Variants in ANKS1A observed in about 807,000 individuals in gnomAD.
ANKS1A encodes the protein ankyrin repeat and SAM domain-containing protein 1A.
Under a neutral mutation model 120.3 loss-of-function variants are expected in ANKS1A, and 55 were observed. The ratio of observed to expected loss-of-function variants is 0.46; its 90% CI spans 0.37 to 0.57. The LOEUF is 0.57. Ranked by LOEUF, ANKS1A falls within the 20% of genes least tolerant of loss-of-function variation. The pLI is 0.00. For missense variants in ANKS1A, 1,123 were observed against 1,480.3 expected (o/e 0.76, Z 3.96); for synonymous variants, 590 against 604.7 (o/e 0.98, Z 0.36).
At chr6:35,026,553 G>T (rs1774635146) in intron 11 of ANKS1A, among the ~76,000 whole-genome samples, 1 of 152,142 alleles carries the variant, frequency 6.6e-6, no homozygotes, top group Non-Finnish European at 1.5e-5. Flanking sequence ...ATACAGCCAA[G>T]AACAGGATTA....
chr6:34,979,397 G>A lies in ANKS1A; in HGVS notation c.436-2293G>A, dbSNP rs963690359. On this transcript the variant is annotated intron_variant, in intron 3 of 23. Transcript: ENST00000360359. ...ACAGTTACCAGACCATGTCTGGCATGACTGAAACCTAAGTAAGATGCTCCC... is the reference window on the plus strand; with the variant it reads ...ACAGTTACCAGACCATGTCTGGCATAACTGAAACCTAAGTAAGATGCTCCC... Among the ~76,000 whole-genome samples, 5 of 152,166 alleles carry A rather than the reference G, an allele frequency of 3.3e-5. No homozygotes were observed. The East Asian group carries it at 9.6e-4, about 29-fold the overall frequency.
rs1379609050 is a variant in ANKS1A, at chr6:35,084,468, G to A, written c.3132+210G>A. Among the ~76,000 whole-genome samples, 1 of 151,538 alleles carries A rather than the reference G, an allele frequency of 6.6e-6. No homozygotes were observed. Among genetic ancestry groups the A allele is most frequent in the East Asian group, 2.0e-4 (1 of 5,120 alleles). On this transcript the variant is annotated intron_variant, in intron 21 of 23. Transcript: ENST00000360359. This position sits in a 1 kb window ranked among gnomAD's most constrained non-coding sequence, Gnocchi z 4.8. ...GCAGAGGGAACAGGGACTGGCCCAGGGCACTAGGGACAGGAGGTTCCAGCT... is the reference window on the plus strand; with the variant it reads ...GCAGAGGGAACAGGGACTGGCCCAGAGCACTAGGGACAGGAGGTTCCAGCT...
chr6:35,024,718 C>G (rs142839157), intron 11 of ANKS1A, among the ~76,000 whole-genome samples: 2 of 152,284 alleles, frequency 1.3e-5, no homozygotes, highest in South Asian at 2.1e-4. Context: ...GAAGTGGCCT[C>G]GCCACCTCGC....
chr6:34,970,880 A>G (rs1771151693), intron 3 of ANKS1A, among the ~76,000 whole-genome samples: 1 of 152,006 alleles, frequency 6.6e-6, no homozygotes, highest in Non-Finnish European at 1.5e-5. Flanking sequence ...GTGGTGGCAC[A>G]CACCTGTAGT....
chr6:34,948,848 A>G (rs971456274), intron 1 of ANKS1A, among the ~76,000 whole-genome samples: 1 of 152,202 alleles, frequency 6.6e-6, no homozygotes, highest in Admixed American at 6.5e-5. Flanking sequence ...AAGGGAAGAA[A>G]GGCAGGGAAG....
chr6:34,965,746 CATT>C (rs1207387516), intron 1 of ANKS1A, among the ~76,000 whole-genome samples: 5 of 151,152 alleles, frequency 3.3e-5, no homozygotes, highest in African/African-American at 1.2e-4. Context: ...AGTGCTCTGT[CATT>C]GTCTTTTTTT....
intron 11 of ANKS1A, among the ~76,000 whole-genome samples, chr6:35,031,527 A>G (rs1774910063): frequency 6.6e-6 from 1 of 152,108 alleles, no homozygotes; most frequent in Admixed American, 6.5e-5. Context: ...TCTTGACCAG[A>G]ACCCTTCCTC....
rs142562740 is a variant in ANKS1A, at chr6:34,975,731, G to A, written c.435+5565G>A. On this transcript the variant is annotated intron_variant, in intron 3 of 23. Transcript: ENST00000360359. ...GTGAGCAGTGATCACTGTCACCTGG[G>A]CAACAGAGTGAGACCCTGTCTCAAA... Among the ~76,000 whole-genome samples, 712 of 151,914 alleles carry A rather than the reference G, an allele frequency of 4.7e-3. 4 individuals are homozygous for A. Among genetic ancestry groups the A allele is most frequent in the Non-Finnish European group, 8.4e-3 (572 of 67,964 alleles).
chr6:35,061,622 G>A (rs1163454091), intron 13 of ANKS1A, among the ~76,000 whole-genome samples: 2 of 152,240 alleles, frequency 1.3e-5, no homozygotes, highest in African/African-American at 4.8e-5. Flanking sequence ...AAAAGATACT[G>A]TGGTGTGCAA....
intron 3 of ANKS1A, among the ~76,000 whole-genome samples, chr6:34,981,050 C>G (rs903218348): frequency 6.6e-6 from 1 of 152,136 alleles, no homozygotes; most frequent in Non-Finnish European, 1.5e-5. Context: ...GGTGCAGGCT[C>G]CTGGGGTAGG....
intron 16 of ANKS1A, among the ~76,000 whole-genome samples, 198 bp from the exon 17 acceptor site, chr6:35,080,796 G>A (rs888712357): frequency 6.6e-6 from 1 of 152,234 alleles, no homozygotes; most frequent in East Asian, 1.9e-4. Context: ...TGGCTTCCCC[G>A]CCCTCTCGGG....
intron 12 of ANKS1A, among the ~76,000 whole-genome samples, chr6:35,059,748 A>G (rs1443016752): frequency 6.6e-6 from 1 of 152,062 alleles, no homozygotes; most frequent in Non-Finnish European, 1.5e-5. Context: ...AGCCCCCTCT[A>G]GTGCCTGTGG....
At chr6:35,001,648 G>T (rs1362169357) in intron 10 of ANKS1A, among the ~76,000 whole-genome samples, 3 of 152,244 alleles carry the variant, frequency 2.0e-5, no homozygotes, top group Non-Finnish European at 4.4e-5. Context: ...GACCTGAAAG[G>T]ATGCAGTGAG....
intron 1 of ANKS1A, among the ~76,000 whole-genome samples, chr6:34,954,730 C>G (rs142334858): frequency 6.6e-6 from 1 of 152,314 alleles, no homozygotes; most frequent in Non-Finnish European, 1.5e-5. Flanking sequence ...CCACCTGTCA[C>G]GTAGCGTCAG....
intron 11 of ANKS1A, among the ~76,000 whole-genome samples, chr6:35,048,886 G>A (rs1355606480): frequency 6.6e-6 from 1 of 152,224 alleles, no homozygotes; most frequent in Non-Finnish European, 1.5e-5. Flanking sequence ...CCTGGGAAGG[G>A]GGAGCACTGT....
intron 10 of ANKS1A, chr6:35,005,689 A>G: frequency 4.6e-6 from 2 of 437,138 alleles, no homozygotes; most frequent in Non-Finnish European, 9.0e-6. Flanking sequence ...ATGAATTTGT[A>G]TTTTTTTAAA....
intron 10 of ANKS1A, among the ~76,000 whole-genome samples, chr6:35,009,442 G>A (rs1163124446): frequency 1.3e-5 from 2 of 152,142 alleles, no homozygotes; most frequent in African/African-American, 2.4e-5. Context: ...TTTGAGGGAT[G>A]ATATTAAATC....
intron 11 of ANKS1A, among the ~76,000 whole-genome samples, chr6:35,031,832 A>G (rs149956520): frequency 9.9e-4 from 151 of 152,286 alleles, no homozygotes; most frequent in Non-Finnish European, 1.8e-3. Context: ...AGCCTCTATA[A>G]CTGGCCTTCT....
In ANKS1A at chr6:34,954,392, C is replaced by T. The variant is rs369542221; in HGVS notation, c.198-12847C>T. Among the ~76,000 whole-genome samples the T allele has an allele frequency of 2.0e-5, 3 of 152,106 alleles. No individual in the cohort carries two copies. In the East Asian group the frequency reaches 5.8e-4, roughly 29 times the overall value. On this transcript the variant is annotated intron_variant, in intron 1 of 23. Transcript: ENST00000360359. ...GTGTGGTATTGTGTGTGTGCATTCA[C>T]ATTGCGGACAAGAAACAGAAGGGGT...
Sources: allele counts gnomAD v4.1 joint callset (sites outside exome capture counted in the v4.1 genomes callset), GRCh38; gene constraint gnomAD v4.1.1; non-coding constraint Gnocchi (gnomAD v3.1); transcripts MANE v1.5; gene names NCBI Gene and HGNC (gene_info 2026-07-23, HGNC 2026-07-21).